The following AKR1B10 variants were observed in gnomAD, a reference collection of about 807,000 sequenced individuals.
The protein encoded by AKR1B10 is ARP.
In AKR1B10, 39 loss-of-function variants were observed where a neutral mutation model predicts 38.9. The observed-to-expected ratio is 1.00, with a 90% CI of 0.78 to 1.31. The LOEUF is 1.31. Ranked by LOEUF, AKR1B10 falls within the 50% of genes most tolerant of loss-of-function variation. The pLI is 0.00. For synonymous variants in AKR1B10, 148 were observed against 141.2 expected (o/e 1.05, Z -0.34); for missense variants, 361 against 382.6 (o/e 0.94, Z 0.47).
In AKR1B10 at chr7:134,528,352, C is replaced by T. The variant is rs542212132; in HGVS notation, c.66+375C>T. ...GTGGTTGAGGAGAGGATGCAGAGCCCGAAGTCCTTGGCACCCCTTTGCAGA... is the reference window on the plus strand; with the variant it reads ...GTGGTTGAGGAGAGGATGCAGAGCCTGAAGTCCTTGGCACCCCTTTGCAGA... On this transcript the variant is annotated intron_variant, in intron 1 of 9. Transcript: ENST00000359579. 5.6e-4 allele frequency among the ~76,000 whole-genome samples: 85 copies of T among 152,226 alleles called. 1 individual carries two copies. Among genetic ancestry groups the T allele is most frequent in the Non-Finnish European group, 9.7e-4 (66 of 68,004 alleles).
intron 3 of AKR1B10, among the ~76,000 whole-genome samples, chr7:134,532,331 C>T (rs1321127128): frequency 6.6e-6 from 1 of 152,178 alleles, no homozygotes; most frequent in East Asian, 1.9e-4. Context: ...TGATTCCACG[C>T]CCCAGGGTTG....
At chr7:134,531,784 C>T (rs1240125071) in intron 2 of AKR1B10, 124 bp from the exon 3 acceptor site, 2 of 1,078,580 alleles carry the variant, frequency 1.9e-6, no homozygotes, top group Admixed American at 1.8e-5. Context: ...GGATCTTAAT[C>T]AGCTTTGTTA....
chr7:134,532,579 G>T (rs904731287), intron 3 of AKR1B10, among the ~76,000 whole-genome samples: 1 of 152,156 alleles, frequency 6.6e-6, no homozygotes, highest in African/African-American at 2.4e-5. Flanking sequence ...CTGGAGTGAT[G>T]ATGGCCTGCC....
chr7:134,538,882 G>T, intron 8 of AKR1B10, 53 bp from the exon 9 acceptor site: 1 of 1,607,398 alleles, frequency 6.2e-7, no homozygotes. Context: ...GCAGTCTCCA[G>T]CCACAGCTAG....
chr7:134,538,610 C>T (rs1304466922), intron 8 of AKR1B10, among the ~76,000 whole-genome samples: 5 of 152,106 alleles, frequency 3.3e-5, no homozygotes, highest in Admixed American at 2.0e-4. Context: ...GCTCACTTCC[C>T]GGCAGCAGAG....
At chr7:134,528,234 G>T (rs1217134472) in intron 1 of AKR1B10, among the ~76,000 whole-genome samples, 1 of 152,212 alleles carries the variant, frequency 6.6e-6, no homozygotes, top group African/African-American at 2.4e-5. Flanking sequence ...ACTTAAAACT[G>T]TTTTCCAGGG....
At position 134,538,220 on chromosome 7, in the gene AKR1B10, G is replaced by A; in HGVS notation, c.768G>A (p.Arg256=). The A allele has an allele frequency of 4.3e-6, 7 of 1,614,094 alleles. No homozygotes were observed. Among genetic ancestry groups the A allele is most frequent in the South Asian group, 1.1e-5 (1 of 91,068 alleles). Residue 256 remains arginine, a synonymous_variant, in exon 8 of 10, where the codon AGG becomes AGA. Coordinates refer to ENST00000359579, the MANE Select transcript of AKR1B10 (RefSeq NM_020299.5). ...TTCTGATCCGTTTCCATATCCAGAG[G>A]AATGTGATTGTCATCCCCAAGTCTG... ...AQVLIRFHIQ[R]NVIVIPKSVT...
chr7:134,535,869 A>C (rs1395627376), intron 4 of AKR1B10, among the ~76,000 whole-genome samples: 1 of 152,210 alleles, frequency 6.6e-6, no homozygotes, highest in South Asian at 2.1e-4. Flanking sequence ...CATGTAATAG[A>C]TGGCTACTAA....
intron 3 of AKR1B10, among the ~76,000 whole-genome samples, chr7:134,532,355 T>C (rs1379010423): frequency 6.6e-6 from 1 of 152,120 alleles, no homozygotes; most frequent in Non-Finnish European, 1.5e-5. Flanking sequence ...TCCCAGGAAA[T>C]CTCTTGGGTT....
In AKR1B10 at chr7:134,541,343, A is replaced by G. The variant is rs1260851476; in HGVS notation, c.*254A>G. 5.1e-6 allele frequency: 2 copies of G among 389,866 alleles called. No individual in the cohort carries two copies. The highest frequency in any genetic ancestry group is 2.1e-5 in the African/African-American group (1 of 46,786). The allele number at this position is 389,866 out of a possible 1,614,324, so 24.2% of individuals were successfully genotyped here. On this transcript the variant is annotated 3_prime_UTR_variant, in exon 10 of 10. Transcript: ENST00000359579. ...ACTTATCTGATCAGAACAAATGTTTATTAAGCATCAGAAACTCTGCCAACA... is the reference window on the plus strand; with the variant it reads ...ACTTATCTGATCAGAACAAATGTTTGTTAAGCATCAGAAACTCTGCCAACA...
In AKR1B10 at chr7:134,541,078, G is replaced by T. The variant is rs180742689; in HGVS notation, c.940G>T (p.Ala314Ser). The change falls in exon 10 of 10, where the codon GCA becomes TCA. Residue 314 changes from alanine to serine, a missense_variant. By Grantham distance (99) the Ala-to-Ser change is moderately conservative. Transcript: ENST00000359579. The stretch of plus-strand genomic sequence containing the variant: ...TCATTTGGAAGACTATCCCTTCAAT[G>T]CAGAATATTGAGGTTGAATCTCCTG... ...SSHLEDYPFN[A>S]EY is the part of the protein sequence containing the mutation. 20 of 1,577,022 alleles carry T rather than the reference G, an allele frequency of 1.3e-5. No individual in the cohort carries two copies. The Admixed American group carries it at 3.0e-4, about 24-fold the overall frequency.
intron 1 of AKR1B10, among the ~76,000 whole-genome samples, chr7:134,528,884 T>C (rs190259537): frequency 6.6e-6 from 1 of 152,248 alleles, no homozygotes; most frequent in Non-Finnish European, 1.5e-5. Flanking sequence ...ATGCTGGGGC[T>C]GCAGAGAGCC....
In AKR1B10 at chr7:134,538,920, C is replaced by A; in HGVS notation, c.826-15C>A. ...TGGCCTTACTGATGATGTATTGGAA[C>A]TCCTACCTTTCCAGGTCTTTGACTT... On this transcript the variant is annotated splice_polypyrimidine_tract_variant and intron_variant, in intron 8 of 9. Transcript: ENST00000359579. The A allele has an allele frequency of 6.2e-7, 1 of 1,614,006 alleles. No individual in the cohort carries two copies. The highest frequency in any genetic ancestry group is 8.5e-7 in the Non-Finnish European group (1 of 1,179,954).
At chr7:134,537,912 T>C (rs1808055525) in intron 7 of AKR1B10, among the ~76,000 whole-genome samples, 1 of 151,920 alleles carries the variant, frequency 6.6e-6, no homozygotes, top group Non-Finnish European at 1.5e-5. Context: ...CTTTGGAGTC[T>C]AGGGATATGG....
intron 4 of AKR1B10, among the ~76,000 whole-genome samples, chr7:134,536,248 C>A (rs1183269161): frequency 6.6e-6 from 1 of 152,318 alleles, no homozygotes; most frequent in African/African-American, 2.4e-5. Flanking sequence ...AACAGCAGCT[C>A]CCTGCTATCA....
intron 6 of AKR1B10, among the ~76,000 whole-genome samples, 176 bp downstream of exon 6, chr7:134,537,333 A>G (rs1032175506): frequency 6.6e-6 from 1 of 152,126 alleles, no homozygotes; most frequent in African/African-American, 2.4e-5. Flanking sequence ...AACAACAACA[A>G]CAACACCAAG....
In AKR1B10 at chr7:134,535,585, C is replaced by CCTTTTTTTTTTTTTTTTTTTTT. The variant is rs1554396831; in HGVS notation, c.430-1065_430-1064insCTTTTTTTTTTTTTTTTTTTTT. 5.0e-6 allele frequency: 2 copies of CCTTTTTTTTTTTTTTTTTTTTT among 401,994 alleles called. 1 individual carries two copies. Among genetic ancestry groups the CCTTTTTTTTTTTTTTTTTTTTT allele is most frequent in the African/African-American group, 6.0e-5 (2 of 33,088 alleles). The allele number at this position is 401,994 out of a possible 1,614,324, so 24.9% of individuals were successfully genotyped here. On this transcript the variant is annotated intron_variant, in intron 4 of 9. Transcript: ENST00000359579. The stretch of plus-strand genomic sequence containing the variant: ...CTCATGTTTTTTCCCTCTTTTCTGT[C>CCTTTTTTTTTTTTTTTTTTTTT]TTTTTTTTTTTTTTTTTTTTTTTCT...
intron 3 of AKR1B10, 79 bp downstream of exon 3, chr7:134,532,103 G>A: frequency 6.5e-7 from 1 of 1,543,950 alleles, no homozygotes; most frequent in Non-Finnish European, 8.9e-7. Context: ...GCTGTGGGGT[G>A]GTGTGGACTG....
At chr7:134,532,532 G>A (rs1807889209) in intron 3 of AKR1B10, among the ~76,000 whole-genome samples, 1 of 152,124 alleles carries the variant, frequency 6.6e-6, no homozygotes, top group African/African-American at 2.4e-5. Context: ...TGAGGGGTGG[G>A]AGAGACAAAT....
Sources: gnomAD v4.1 joint callset for allele counts (sites outside exome capture counted in the v4.1 genomes callset) on GRCh38, gnomAD v4.1.1 for gene constraint, MANE v1.5 for transcripts, NCBI Gene and HGNC (gene_info 2026-07-23, HGNC 2026-07-21) for gene names.